NHSL1: variants seen among roughly 807,000 people sequenced by gnomAD.
The protein encoded by NHSL1 is NHS-like protein 1.
A neutral mutation model predicts 95.0 loss-of-function variants in NHSL1; 48 were observed. The ratio of observed to expected loss-of-function variants is 0.51; its 90% confidence interval spans 0.40 to 0.64. The LOEUF is 0.64. Ranked by LOEUF, NHSL1 falls within the 30% of genes least tolerant of loss-of-function variation. The pLI is 0.00. For synonymous variants in NHSL1, 783 were observed against 833.9 expected (o/e 0.94, Z 1.05); for missense variants, 1,971 against 2,077.7 (o/e 0.95, Z 1.00).
intron 2 of NHSL1, among the ~76,000 whole-genome samples, chr6:138,489,574 G>A (rs965873326): frequency 1.3e-5 from 2 of 151,642 alleles, no homozygotes; most frequent in African/African-American, 4.8e-5. Context: ...AGACCAGACA[G>A]GGCAACAAGG....
At chr6:138,672,273 T>TA (rs1274756860) in intron 1 of NHSL1, among the ~76,000 whole-genome samples, 1 of 152,202 alleles carries the variant, frequency 6.6e-6, no homozygotes. Context: ...AACAATCTCA[T>TA]AACAGTTACA....
At chr6:138,502,954 G>A (rs972379146), upstream of NHSL1, among the ~76,000 whole-genome samples, 20 of 152,148 alleles carry the variant, frequency 1.3e-4, no homozygotes, top group African/African-American at 4.1e-4. Context: ...TTCATGCAAG[G>A]GAATCAGTGT....
rs114577455 is a variant in NHSL1, at chr6:138,683,775, A to G, written c.96+8701T>C. On this transcript the variant is annotated intron_variant, in intron 1 of 3. Coordinates refer to the NHSL1 transcript ENST00000491526. ...GCTTACCAGCTGTGAATGTGGGCAA[A>G]CAAGTTATTTGTGCCTTCACTGTAT... is the stretch of plus-strand genomic sequence containing the variant. Among the ~76,000 whole-genome samples, 1,214 of 152,376 alleles carry G rather than the reference A, an allele frequency of 8.0e-3. 11 individuals are homozygous for G. Among genetic ancestry groups the G allele is most frequent in the South Asian group, 0.012 (58 of 4,832 alleles).
chr6:138,424,187 G>A lies in NHSL1; in HGVS notation c.4715C>T (p.Ala1572Val). The stretch of plus-strand genomic sequence containing the variant: ...GGGGGCCTGGGGCTGCAGGGAGGCG[G>A]CAGGCCCCTCCCCACAGAGCAGGCC... ...EGGLLCGEGP[A>V]ASLQPQAPGP... is the part of the protein sequence containing the mutation. The change falls in exon 8 of 8, where the codon GCC becomes GTC. Residue 1572 changes from alanine (A) to valine (V), a missense_variant. Physicochemically the swap from Ala to Val is moderately conservative, Grantham distance 64 (BLOSUM62 0). Transcript: ENST00000343505. The surrounding 1 kb of genome is among the most constrained non-coding windows in gnomAD (Gnocchi z 5.9). The A allele has an allele frequency of 6.8e-7, 1 of 1,474,766 alleles. No homozygotes were observed. Among genetic ancestry groups the A allele is most frequent in the Non-Finnish European group, 9.0e-7 (1 of 1,115,932 alleles). 91.4% of individuals were successfully genotyped at this position (1,474,766 alleles called of 1,614,324 possible).
At chr6:138,439,900 C>A (rs1328820261) in intron 5 of NHSL1, among the ~76,000 whole-genome samples, 2 of 152,120 alleles carry the variant, frequency 1.3e-5, no homozygotes, top group South Asian at 4.1e-4. Flanking sequence ...ACTAAAATTA[C>A]AAAAGATATG....
chr6:138,571,660 C>A, intron 1 of NHSL1: 1 of 1,522,174 alleles, frequency 6.6e-7, no homozygotes, highest in Non-Finnish European at 8.9e-7. Context: ...ACAAAGAATT[C>A]TACATAACAA....
intron 1 of NHSL1, among the ~76,000 whole-genome samples, chr6:138,586,169 A>G (rs1037434461): frequency 1.1e-4 from 16 of 151,030 alleles, no homozygotes; most frequent in Admixed American, 4.0e-4. Flanking sequence ...ATCTTGGCTC[A>G]CTGCAACCTC....
chr6:138,605,301 C>T (rs7752245), intron 1 of NHSL1, among the ~76,000 whole-genome samples: 1,783 of 152,290 alleles, frequency 0.012, 27 homozygotes, highest in African/African-American at 0.041. Flanking sequence ...TCACAGCTCA[C>T]GACAGCCTCA....
At position 138,571,314 on chromosome 6, in the gene NHSL1, G is replaced by A. The variant is rs892300165; in HGVS notation, c.202+396C>T. On this transcript the variant is annotated intron_variant, in intron 1 of 6. Transcript: ENST00000427025. ...TGCAAGAAGACTATGTACGATTCCC[G>A]AAGTTTTCTCAGTGCAGTTTCACAA... 4.6e-5 allele frequency among the ~76,000 whole-genome samples: 7 copies of A among 152,234 alleles called. No individual in the cohort carries two copies. In the South Asian group the frequency reaches 1.0e-3, roughly 23 times the overall value.
At chr6:138,634,033 C>T (rs76168124) in intron 1 of NHSL1, among the ~76,000 whole-genome samples, 7,990 of 152,024 alleles carry the variant, frequency 0.053, 248 homozygotes, top group South Asian at 0.076. Flanking sequence ...TATTTACATG[C>T]TTTATGGTAA....
intron 1 of NHSL1, among the ~76,000 whole-genome samples, chr6:138,616,258 T>A (rs1412271354): frequency 6.6e-6 from 1 of 152,202 alleles, no homozygotes; most frequent in East Asian, 1.9e-4. Context: ...AAATTGTTAT[T>A]GCACAGCTAC....
At chr6:138,567,277 A>G (rs1299187185) in intron 1 of NHSL1, among the ~76,000 whole-genome samples, 1 of 151,860 alleles carries the variant, frequency 6.6e-6, no homozygotes, top group Non-Finnish European at 1.5e-5. Context: ...ATAGGCACAC[A>G]CCACCACACT....
rs56866574 is a variant in NHSL1, at chr6:138,450,192, G to GCACACA, written c.340-3005_340-3000dup. 7.7e-3 allele frequency among the ~76,000 whole-genome samples: 1,159 copies of GCACACA among 150,780 alleles called. 9 individuals carry two copies. The highest frequency in any genetic ancestry group is 0.025 in the African/African-American group (1,023 of 41,120). On this transcript the variant is annotated intron_variant, in intron 3 of 7. Transcript: ENST00000343505. Reference sequence around the variant, plus strand: ...TACATATTCTCTACCCTTGAGATGTGCACACACACACACACACACTTAAAA... The same window carrying GCACACA: ...TACATATTCTCTACCCTTGAGATGTGCACACACACACACACACACACACACTTAAAA...
intron 1 of NHSL1, among the ~76,000 whole-genome samples, chr6:138,506,451 G>A (rs1387597178): frequency 6.6e-6 from 1 of 152,094 alleles, no homozygotes; most frequent in Non-Finnish European, 1.5e-5. Flanking sequence ...TAAATAAAAT[G>A]GCAACTTTTA....
chr6:138,547,281 T>C (rs1348637628), upstream of NHSL1, among the ~76,000 whole-genome samples: 1 of 151,306 alleles, frequency 6.6e-6, no homozygotes, highest in Non-Finnish European at 1.5e-5. Context: ...CTAGTTTCTA[T>C]GATCACAAGA....
Position 138,430,545 on chromosome 6 carries a change from G to C in NHSL1, c.3800C>G (p.Ala1267Gly), listed in dbSNP as rs1385876285. 1.9e-6 allele frequency: 3 copies of C among 1,551,224 alleles called. No individual in the cohort carries two copies. Among genetic ancestry groups the C allele is most frequent in the Non-Finnish European group, 2.6e-6 (3 of 1,146,690 alleles). ...TCTGCTGGGAGACATGGATCCTGCA[G>C]CTCCTCCCTCAAGAACCGAGGTGCC... ...HPGTSVLEGGAAGSMSPSRVE... is the reference protein window; with the variant it reads ...HPGTSVLEGGGAGSMSPSRVE... Residue 1267 changes from alanine to glycine, a missense_variant, in exon 6 of 8, where the codon GCT becomes GGT. Coordinates refer to ENST00000343505, the MANE Select transcript of NHSL1 (RefSeq NM_001144060.2). The surrounding 1 kb of genome is among the most constrained non-coding windows in gnomAD (Gnocchi z 4.7).
At chr6:138,610,549 ATATATATATATTATATATATATAT>A (rs1784497408) in intron 1 of NHSL1, among the ~76,000 whole-genome samples, 1 of 131,400 alleles carries the variant, frequency 7.6e-6, no homozygotes, top group African/African-American at 2.9e-5. Flanking sequence ...TAATAAAAAA[ATATATATATATTATATATATATAT>A]AAAAAGAAAA....
chr6:138,692,715 TCGGGCCGGCGCAGCCGCG>T (rs1246734982), upstream of NHSL1: 1 of 151,200 alleles, frequency 6.6e-6, no homozygotes, highest in Non-Finnish European at 1.5e-5. The surrounding 1 kb of genome is among the most constrained non-coding windows in gnomAD (Gnocchi z 4.0). Flanking sequence ...CCCCGCCGCC[TCGGGCCGGCGCAGCCGCG>T]CGGGCTCCAG....
chr6:138,475,226 C>CT (rs891111508), intron 2 of NHSL1, among the ~76,000 whole-genome samples: 1,692 of 143,356 alleles, frequency 0.012, 28 homozygotes, highest in African/African-American at 0.04. Context: ...TAGTTTTCTT[C>CT]TTTTTTTTTT....
Sources: gnomAD v4.1 joint callset for allele counts (sites outside exome capture counted in the v4.1 genomes callset) on GRCh38, gnomAD v4.1.1 for gene constraint, Gnocchi (gnomAD v3.1) non-coding constraint, MANE v1.5 for transcripts, NCBI Gene and HGNC (gene_info 2026-07-23, HGNC 2026-07-21) for gene names.